CSMD3: variants seen among roughly 807,000 people sequenced by gnomAD.
CSMD3 encodes the protein CUB and Sushi multiple domains 3, also known as CUB and sushi domain-containing protein 3.
A neutral mutation model predicts 435.2 loss-of-function variants in CSMD3; 177 were observed. The ratio of observed to expected loss-of-function variants is 0.41; its 90% CI spans 0.36 to 0.46. The LOEUF is 0.46. Ranked by LOEUF, CSMD3 falls within the 20% of genes least tolerant of loss-of-function variation. The pLI is 0.34. For synonymous variants in CSMD3, 1,656 were observed against 1,520.5 expected (o/e 1.09, Z -2.07); for missense variants, 4,265 against 4,504.6 (o/e 0.95, Z 1.52).
chr8:113,357,264 T>C (rs1437248112), intron 1 of CSMD3, among the ~76,000 whole-genome samples: 1 of 152,210 alleles, frequency 6.6e-6, no homozygotes, highest in African/African-American at 2.4e-5. Context: ...TTCTGTGAGC[T>C]GGTTGTGTTA....
At chr8:113,108,897 C>A (rs2090558945) in intron 4 of CSMD3, among the ~76,000 whole-genome samples, 1 of 152,132 alleles carries the variant, frequency 6.6e-6, no homozygotes, top group South Asian at 2.1e-4. Context: ...TAGTCACAAT[C>A]AAAATACTGG....
rs542763760 is a variant in CSMD3, at chr8:112,893,388, G to C, written c.1633+28239C>G. ...TATTGGTACACAGGTTCCAATCTCA[G>C]AGTTCTGATTTAAGTGCAATTCCCA... On this transcript the variant is annotated intron_variant, in intron 10 of 70. Coordinates refer to ENST00000297405, the MANE Select transcript of CSMD3 (RefSeq NM_198123.2). Among the ~76,000 whole-genome samples, 5 of 151,528 alleles carry C rather than the reference G, an allele frequency of 3.3e-5. No individual in the cohort carries two copies. The South Asian group carries it at 1.0e-3, about 31-fold the overall frequency.
intron 50 of CSMD3, among the ~76,000 whole-genome samples, chr8:112,306,639 A>T (rs1340159558): frequency 2.0e-5 from 3 of 152,194 alleles, no homozygotes; most frequent in African/African-American, 7.2e-5. Context: ...TTTGGTCAGG[A>T]ATAAATCAAA....
intron 13 of CSMD3, among the ~76,000 whole-genome samples, chr8:112,701,906 C>T (rs2076396953): frequency 6.6e-6 from 1 of 152,094 alleles, no homozygotes; most frequent in East Asian, 1.9e-4. Context: ...CTATTTATTT[C>T]TTAAGGTCAA....
intron 28 of CSMD3, among the ~76,000 whole-genome samples, chr8:112,515,720 T>C (rs1418858056): frequency 6.6e-6 from 1 of 152,078 alleles, no homozygotes; most frequent in Non-Finnish European, 1.5e-5. Flanking sequence ...TTGTCATTTG[T>C]CTTATTTTTT....
chr8:112,587,014 A>G (rs1359660389), intron 23 of CSMD3, 52 bp downstream of exon 23: 1 of 1,260,822 alleles, frequency 7.9e-7, no homozygotes, highest in African/African-American at 1.5e-5. Context: ...CTATTGATGT[A>G]TATTTAATGA....
At chr8:112,709,002 A>C (rs2076556248) in intron 13 of CSMD3, among the ~76,000 whole-genome samples, 2 of 152,068 alleles carry the variant, frequency 1.3e-5, no homozygotes, top group Non-Finnish European at 1.5e-5. Context: ...GACTGCGTTT[A>C]AGTCTCTGCC....
chr8:112,886,020 A>G (rs2081578677), intron 10 of CSMD3, among the ~76,000 whole-genome samples: 1 of 151,882 alleles, frequency 6.6e-6, no homozygotes, highest in African/African-American at 2.4e-5. Context: ...ACCTCTTTTT[A>G]CATTTATTAA....
chr8:112,672,689 A>T (rs2075685733), intron 16 of CSMD3, among the ~76,000 whole-genome samples: 1 of 152,246 alleles, frequency 6.6e-6, no homozygotes, highest in South Asian at 2.1e-4. Flanking sequence ...TTTTTGTAGC[A>T]ATGAAAACAA....
chr8:112,246,070 C>A (rs1168823019), intron 64 of CSMD3, among the ~76,000 whole-genome samples: 3 of 152,084 alleles, frequency 2.0e-5, no homozygotes, highest in Non-Finnish European at 4.4e-5. Context: ...TACCTAGTTA[C>A]AGCCCGCACA....
chr8:112,995,184 T>C (rs929206749), intron 6 of CSMD3, among the ~76,000 whole-genome samples: 1 of 151,514 alleles, frequency 6.6e-6, no homozygotes, highest in Admixed American at 6.6e-5. Context: ...AGAAAGATCA[T>C]GTCTGAATTG....
chr8:112,915,570 G>A (rs972675891), intron 10 of CSMD3, among the ~76,000 whole-genome samples: 2 of 151,498 alleles, frequency 1.3e-5, no homozygotes, highest in African/African-American at 2.4e-5. Flanking sequence ...AAGATACATT[G>A]TTTAAACTCA....
At chr8:112,774,625 G>C (rs1459819614) in intron 13 of CSMD3, among the ~76,000 whole-genome samples, 1 of 151,934 alleles carries the variant, frequency 6.6e-6, no homozygotes, top group Non-Finnish European at 1.5e-5. Context: ...AAAGCTGTAT[G>C]TTATCTTTGA....
At chr8:112,504,957 G>C (rs1040713735) in intron 29 of CSMD3, among the ~76,000 whole-genome samples, 1 of 152,088 alleles carries the variant, frequency 6.6e-6, no homozygotes, top group Non-Finnish European at 1.5e-5. Flanking sequence ...AAACTATTTT[G>C]GCAAGTTTTA....
intron 3 of CSMD3, among the ~76,000 whole-genome samples, chr8:113,196,675 G>GA (rs544594686): frequency 2.0e-5 from 3 of 150,698 alleles, no homozygotes; most frequent in Non-Finnish European, 4.5e-5. Context: ...TTCAACTAGA[G>GA]AAAAAAAAGT....
At chr8:113,194,050 A>G (rs890220654) in intron 3 of CSMD3, among the ~76,000 whole-genome samples, 4 of 151,402 alleles carry the variant, frequency 2.6e-5, no homozygotes, top group African/African-American at 4.8e-5. Flanking sequence ...AAAAAATATA[A>G]AACTTTGTTG....
chr8:113,380,359 C>T (rs761530689), intron 1 of CSMD3, among the ~76,000 whole-genome samples: 9 of 151,876 alleles, frequency 5.9e-5, no homozygotes, highest in South Asian at 4.2e-4. Flanking sequence ...AAACAATAGT[C>T]GAAAACTCCC....
intron 22 of CSMD3, among the ~76,000 whole-genome samples, chr8:112,597,393 A>G (rs972155224): frequency 1.4e-5 from 2 of 147,088 alleles, no homozygotes; most frequent in African/African-American, 2.5e-5. Flanking sequence ...CCAACCAAAA[A>G]GAGTCCAGGA....
At chr8:113,006,512 C>A (rs1487148048) in intron 6 of CSMD3, among the ~76,000 whole-genome samples, 1 of 151,812 alleles carries the variant, frequency 6.6e-6, no homozygotes, top group Non-Finnish European at 1.5e-5. Context: ...GTATTTTTTG[C>A]AGTTGGCACA....
Sources: gnomAD v4.1 joint callset for allele counts (sites outside exome capture counted in the v4.1 genomes callset) on GRCh38, gnomAD v4.1.1 for gene constraint, MANE v1.5 for transcripts, NCBI Gene and HGNC (gene_info 2026-07-23, HGNC 2026-07-21) for gene names.